Variants in NEGR1 observed in about 807,000 individuals in gnomAD.
NEGR1 encodes IgLON family member 4.
In NEGR1, 10 loss-of-function variants were observed where a neutral mutation model predicts 40.9. The observed-to-expected ratio is 0.24, with a 90% CI of 0.15 to 0.42. The LOEUF is 0.42. Ranked by LOEUF, NEGR1 falls within the 10% of genes least tolerant of loss-of-function variation. The probability of loss-of-function intolerance (pLI) is 1.00; values close to 1 mark genes in which losing one functional copy is unlikely to be tolerated. For missense variants in NEGR1, 352 were observed against 438.9 expected (o/e 0.80, Z 1.77); for synonymous variants, 185 against 166.8 (o/e 1.11, Z -0.84).
chr1:71,559,019 G>GTGTGTGTATATA (rs377263417), intron 6 of NEGR1, among the ~76,000 whole-genome samples: 2 of 114,050 alleles, frequency 1.8e-5, no homozygotes, highest in African/African-American at 3.0e-5. Flanking sequence ...CTGTGTGTGT[G>GTGTGTGTATATA]TATATATATA....
At chr1:72,035,125 C>T (rs1259130681) in intron 1 of NEGR1, among the ~76,000 whole-genome samples, 1 of 152,114 alleles carries the variant, frequency 6.6e-6, no homozygotes, top group African/African-American at 2.4e-5. Flanking sequence ...CCTGGTCAAA[C>T]CCATCCCCTA....
chr1:71,406,761 T>A lies in NEGR1; in HGVS notation c.*685A>T, dbSNP rs945784869. 6.6e-6 allele frequency: 1 copy of A among 152,450 alleles called. No individual in the cohort carries two copies. The highest frequency in any genetic ancestry group is 1.5e-5 in the Non-Finnish European group (1 of 67,950). The allele number at this position is 152,450 out of a possible 1,614,324, so 9.4% of individuals were successfully genotyped here. On this transcript the variant is annotated 3_prime_UTR_variant, in exon 7 of 7. Transcript: ENST00000357731. ...CTTGATCACTCTGGTTTATTTTTAC[T>A]TTCAAATTGTAAGATTTAGCAAAAC...
At chr1:71,724,318 T>G (rs1470633825) in intron 3 of NEGR1, among the ~76,000 whole-genome samples, 1 of 152,150 alleles carries the variant, frequency 6.6e-6, no homozygotes, top group East Asian at 1.9e-4. Context: ...TTTAGGGTCT[T>G]TTAAAAAATC....
At chr1:71,505,989 A>G (rs13373800) in intron 6 of NEGR1, among the ~76,000 whole-genome samples, 1 of 152,148 alleles carries the variant, frequency 6.6e-6, no homozygotes, top group Non-Finnish European at 1.5e-5. Context: ...AAAAAGTTAA[A>G]TATTTAGGAT....
At chr1:71,823,017 T>C (rs990603636) in intron 2 of NEGR1, among the ~76,000 whole-genome samples, 7 of 152,002 alleles carry the variant, frequency 4.6e-5, no homozygotes, top group African/African-American at 1.2e-4. Context: ...GACCTTTATA[T>C]GGTGCTGCGT....
chr1:71,818,274 G>T (rs1658302003), intron 2 of NEGR1, among the ~76,000 whole-genome samples: 1 of 151,848 alleles, frequency 6.6e-6, no homozygotes, highest in Non-Finnish European at 1.5e-5. Flanking sequence ...GCAAAGACAA[G>T]GAATCAACCT....
intron 2 of NEGR1, among the ~76,000 whole-genome samples, chr1:71,784,182 T>G (rs796360176): frequency 1.3e-5 from 2 of 152,252 alleles, no homozygotes; most frequent in African/African-American, 4.8e-5. Context: ...TTTTTCGTGA[T>G]TCTGGGATGG....
intron 4 of NEGR1, among the ~76,000 whole-genome samples, chr1:71,661,283 C>T (rs1570165967): frequency 6.6e-6 from 1 of 152,088 alleles, no homozygotes; most frequent in Admixed American, 6.5e-5. Flanking sequence ...AAGGAAACAA[C>T]AGATGCTGGA....
chr1:72,256,302 G>C (rs1258399484), intron 1 of NEGR1, among the ~76,000 whole-genome samples: 1 of 152,184 alleles, frequency 6.6e-6, no homozygotes, highest in Non-Finnish European at 1.5e-5. Context: ...TATCACAAAA[G>C]TGTTGACACA....
chr1:71,398,018 C>T lies in NEGR1; in HGVS notation c.*9428G>A, dbSNP rs1287360483. ...GGAAGCCCCAAGCCTTGGCAGCTTC[C>T]ACATGGTGTTGAGCCTGTGGGTGCA... On this transcript the variant is annotated 3_prime_UTR_variant, in exon 7 of 7. Transcript: ENST00000357731. The T allele has an allele frequency of 6.6e-6, 1 of 152,206 alleles. No individual in the cohort carries two copies. Among genetic ancestry groups the T allele is most frequent in the African/African-American group, 2.4e-5 (1 of 41,448 alleles). 9.4% of individuals were successfully genotyped at this position (152,206 alleles called of 1,614,324 possible). A position where few individuals can be genotyped will look rare whatever the true frequency, so the allele number is the denominator to read the frequency against.
intron 1 of NEGR1, among the ~76,000 whole-genome samples, chr1:72,280,538 C>A (rs992068555): frequency 5.9e-5 from 9 of 152,058 alleles, no homozygotes; most frequent in African/African-American, 2.2e-4. Context: ...AAAATACAGG[C>A]TTAATTTATA....
At chr1:71,811,610 T>C (rs1658004643) in intron 2 of NEGR1, among the ~76,000 whole-genome samples, 1 of 150,854 alleles carries the variant, frequency 6.6e-6, no homozygotes, top group Admixed American at 6.6e-5. Context: ...AGTAATTATA[T>C]TACTTACTTA....
intron 3 of NEGR1, among the ~76,000 whole-genome samples, chr1:71,738,718 T>C (rs1450015657): frequency 6.6e-6 from 1 of 152,108 alleles, no homozygotes; most frequent in Non-Finnish European, 1.5e-5. Context: ...AACACAGCTC[T>C]CTGCTGGCTC....
intron 1 of NEGR1, among the ~76,000 whole-genome samples, chr1:72,134,631 G>A (rs1650380893): frequency 1.8e-5 from 2 of 112,586 alleles, no homozygotes; most frequent in South Asian, 3.7e-4. Flanking sequence ...ATCTAGATAA[G>A]ATTAGAGGTT....
At chr1:72,229,317 A>G (rs868004285) in intron 1 of NEGR1, among the ~76,000 whole-genome samples, 1 of 149,804 alleles carries the variant, frequency 6.7e-6, no homozygotes, top group Non-Finnish European at 1.5e-5. Flanking sequence ...ACAGATAAGT[A>G]CAAATTATAT....
intron 2 of NEGR1, among the ~76,000 whole-genome samples, chr1:71,909,928 A>T (rs991913862): frequency 6.6e-6 from 1 of 152,230 alleles, no homozygotes; most frequent in African/African-American, 2.4e-5. Context: ...TATAAATAGT[A>T]TAGAGATTTA....
intron 3 of NEGR1, among the ~76,000 whole-genome samples, chr1:71,750,406 A>T (rs1457340550): frequency 6.6e-6 from 1 of 152,184 alleles, no homozygotes; most frequent in African/African-American, 2.4e-5. Flanking sequence ...CAGAAAGTAT[A>T]TATGTATTAG....
intron 2 of NEGR1, among the ~76,000 whole-genome samples, chr1:71,901,663 T>C (rs1570480760): frequency 7.0e-6 from 1 of 143,268 alleles, no homozygotes; most frequent in Middle Eastern, 3.6e-3. Context: ...AAATGAGATA[T>C]AAATTTTTTT....
At chr1:71,431,410 AGAGT>A (rs1239847249) in intron 6 of NEGR1, among the ~76,000 whole-genome samples, 2 of 152,356 alleles carry the variant, frequency 1.3e-5, no homozygotes, top group African/African-American at 2.4e-5. Flanking sequence ...CCCTAAAAAC[AGAGT>A]GAGTATTTCG....
Sources: allele counts gnomAD v4.1 joint callset (sites outside exome capture counted in the v4.1 genomes callset), GRCh38; gene constraint gnomAD v4.1.1; transcripts MANE v1.5; gene names NCBI Gene and HGNC (gene_info 2026-07-23, HGNC 2026-07-21).